RASSF3: variants seen among roughly 807,000 people sequenced by gnomAD.
The protein encoded by RASSF3 is ras association domain-containing protein 3.
Under a neutral mutation model 19.9 loss-of-function variants are expected in RASSF3, and 19 were observed. The observed-to-expected ratio is 0.96, with a 90% CI of 0.67 to 1.40. The LOEUF is 1.40. RASSF3 is among the 40% of genes most tolerant of loss of function. The pLI is 0.00. For missense variants in RASSF3, 306 were observed against 289.8 expected (o/e 1.06, Z -0.41); for synonymous variants, 110 against 104.2 (o/e 1.06, Z -0.34).
intron 4 of RASSF3, 83 bp downstream of exon 4, chr12:64,691,662 G>GC: frequency 1.0e-6 from 1 of 976,692 alleles, no homozygotes; most frequent in Non-Finnish European, 1.6e-6. Context: ...CTTGGCTATT[G>GC]ATGGGGGATG....
At chr12:64,543,349 G>A (rs1414863756), downstream of RASSF3, among the ~76,000 whole-genome samples, 7 of 150,502 alleles carry the variant, frequency 4.7e-5, no homozygotes, top group East Asian at 2.0e-4. Context: ...ATTTCTCGCC[G>A]GGCCTTAGCT....
At chr12:64,590,394 A>C (rs1036889809) in intron 2 of RASSF3, among the ~76,000 whole-genome samples, 2 of 152,186 alleles carry the variant, frequency 1.3e-5, no homozygotes, top group Admixed American at 1.3e-4. Context: ...GTGTTCTACC[A>C]TGTTTACTTT....
chr12:64,603,129 G>A (rs1279750379), intron 2 of RASSF3, among the ~76,000 whole-genome samples: 1 of 151,734 alleles, frequency 6.6e-6, no homozygotes, highest in Non-Finnish European at 1.5e-5. Context: ...AGTTGGGAGT[G>A]TAGCTCTTCA....
chr12:64,541,619 G>A (rs1268559663), exon 2 of RASSF3: 2 of 398,322 alleles, frequency 5.0e-6, no homozygotes, highest in Non-Finnish European at 8.8e-6. Context: ...CCGAGACCTG[G>A]TACATCTGGA....
At chr12:64,612,960 G>A (rs1030097430) in intron 1 of RASSF3, among the ~76,000 whole-genome samples, 2 of 152,184 alleles carry the variant, frequency 1.3e-5, no homozygotes, top group Non-Finnish European at 2.9e-5. Flanking sequence ...TGTATTTGAA[G>A]CTTTATTGCC....
At chr12:64,689,659 C>T (rs959337222) in intron 3 of RASSF3, among the ~76,000 whole-genome samples, 1 of 152,176 alleles carries the variant, frequency 6.6e-6, no homozygotes, top group Admixed American at 6.5e-5. Context: ...ACCCCCATGG[C>T]TGGCAAATCC....
intron 1 of RASSF3, among the ~76,000 whole-genome samples, chr12:64,681,838 C>T (rs1405733720): frequency 6.6e-6 from 1 of 152,100 alleles, no homozygotes; most frequent in Non-Finnish European, 1.5e-5. Flanking sequence ...CATAGCCAGA[C>T]GTCATCTGTA....
At chr12:64,516,217 G>A (rs1301185104) in intron 1 of RASSF3, among the ~76,000 whole-genome samples, 7 of 152,020 alleles carry the variant, frequency 4.6e-5, no homozygotes. Context: ...ATTAAAGTCA[G>A]GAATAAGCAA....
At chr12:64,674,453 T>C (rs55668439) in intron 1 of RASSF3, among the ~76,000 whole-genome samples, 29,287 of 152,120 alleles carry the variant, frequency 0.19, 3,185 homozygotes, top group South Asian at 0.31. Context: ...CAGTGGCTTA[T>C]GCCTGTAATC....
chr12:64,689,492 A>G (rs147966708), intron 3 of RASSF3, among the ~76,000 whole-genome samples: 89 of 152,256 alleles, frequency 5.8e-4, no homozygotes, highest in Non-Finnish European at 9.7e-4. Flanking sequence ...GTGGGGGCTT[A>G]TATCTATAGG....
chr12:64,674,573 C>T (rs1360599199), intron 1 of RASSF3, among the ~76,000 whole-genome samples: 1 of 152,098 alleles, frequency 6.6e-6, no homozygotes, highest in Non-Finnish European at 1.5e-5. Context: ...AGAGTGAGAC[C>T]CTGTCTCAAA....
intron 2 of RASSF3, among the ~76,000 whole-genome samples, chr12:64,563,108 T>C (rs1026488776): frequency 1.3e-5 from 2 of 152,210 alleles, no homozygotes; most frequent in African/African-American, 4.8e-5. Context: ...CTCTGCTTCC[T>C]TTACAATATA....
chr12:64,643,448 G>T (rs1297933172), intron 1 of RASSF3, among the ~76,000 whole-genome samples: 1 of 151,978 alleles, frequency 6.6e-6, no homozygotes, highest in Non-Finnish European at 1.5e-5. Context: ...CAGAACGACC[G>T]CTTGAGCCGA....
chr12:64,694,232 A>G (rs1159446092), intron 4 of RASSF3, among the ~76,000 whole-genome samples: 1 of 152,104 alleles, frequency 6.6e-6, no homozygotes. Flanking sequence ...TGGGGAACAG[A>G]TGGGGGAGCA....
intron 2 of RASSF3, among the ~76,000 whole-genome samples, chr12:64,563,100 C>G (rs1430558627): frequency 6.6e-6 from 1 of 152,124 alleles, no homozygotes; most frequent in East Asian, 1.9e-4. Context: ...TCTTTGTTCT[C>G]TGCTTCCTTT....
chr12:64,610,771 C>G (rs752909575), intron 1 of RASSF3, 28 bp downstream of exon 1: 2 of 1,488,198 alleles, frequency 1.3e-6, no homozygotes, highest in Non-Finnish European at 1.8e-6. Context: ...GGCGCTGCAG[C>G]CCGCGCCCCA....
At chr12:64,612,603 G>A (rs761437045) in intron 1 of RASSF3, among the ~76,000 whole-genome samples, 3 of 150,956 alleles carry the variant, frequency 2.0e-5, no homozygotes, top group Admixed American at 6.6e-5. Context: ...AGCTTCCCGA[G>A]TAGCTGAGAT....
chr12:64,582,224 G>C (rs1376523932), intron 2 of RASSF3, among the ~76,000 whole-genome samples: 1 of 152,060 alleles, frequency 6.6e-6, no homozygotes, highest in Non-Finnish European at 1.5e-5. Context: ...AAAAGATTAG[G>C]GTCTATTGTA....
chr12:64,588,948 C>T (rs1329600996), intron 2 of RASSF3, among the ~76,000 whole-genome samples: 1 of 152,148 alleles, frequency 6.6e-6, no homozygotes, highest in Non-Finnish European at 1.5e-5. Context: ...TGCATATCTT[C>T]TAATTCCTAT....
Sources: gnomAD v4.1 joint callset for allele counts (sites outside exome capture counted in the v4.1 genomes callset) on GRCh38, gnomAD v4.1.1 for gene constraint, MANE v1.5 for transcripts, NCBI Gene and HGNC (gene_info 2026-07-23, HGNC 2026-07-21) for gene names.